EFNA5: variants seen among roughly 807,000 people sequenced by gnomAD.
EFNA5 encodes the protein ephrin-A5.
In EFNA5, 5 loss-of-function variants were observed where a neutral mutation model predicts 22.9. The observed-to-expected ratio is 0.22, with a 90% CI of 0.11 to 0.46. The LOEUF (loss-of-function observed/expected upper bound fraction) is 0.46. EFNA5 is among the 20% of genes least tolerant of loss of function. The pLI, the probability that EFNA5 is intolerant of heterozygous loss-of-function variation, is 0.99. For missense variants in EFNA5, 237 were observed against 293.3 expected, an observed-to-expected ratio of 0.81 and a Z score of 1.40; for synonymous variants, 113 against 112.2, an observed-to-expected ratio of 1.01 and a Z score of -0.04.
At chr5:107,580,274 C>A (rs1749015185) in intron 1 of EFNA5, among the ~76,000 whole-genome samples, 1 of 152,146 alleles carries the variant, frequency 6.6e-6, no homozygotes, top group Admixed American at 6.5e-5. Context: ...GAATTCTACA[C>A]CTACATTTAA....
chr5:107,502,460 G>C (rs1486935267), intron 1 of EFNA5, among the ~76,000 whole-genome samples: 1 of 152,192 alleles, frequency 6.6e-6, no homozygotes, highest in Non-Finnish European at 1.5e-5. Flanking sequence ...TTAGGAAGCA[G>C]TGCCTTAAAG....
At chr5:107,641,100 G>A (rs1338515415) in intron 1 of EFNA5, among the ~76,000 whole-genome samples, 1 of 152,136 alleles carries the variant, frequency 6.6e-6, no homozygotes, top group Non-Finnish European at 1.5e-5. Context: ...GCTCACACCT[G>A]TAATCCCAGC....
At position 107,383,593 on chromosome 5, in the gene EFNA5, T is replaced by A. The variant is rs79037710; in HGVS notation, c.566-2217A>T. ...TATCACATACTTAAACACCTGAAAT[T>A]GCATCAGCTATTGGATTCCTCTCCA... On this transcript the variant is annotated intron_variant, in intron 4 of 4. Transcript: ENST00000333274. 9.7e-3 allele frequency among the ~76,000 whole-genome samples: 1,474 copies of A among 152,298 alleles called. 20 individuals carry two copies. The highest frequency in any genetic ancestry group is 0.029 in the African/African-American group (1,192 of 41,560).
intron 1 of EFNA5, among the ~76,000 whole-genome samples, chr5:107,549,296 G>A (rs1748234403): frequency 6.6e-6 from 1 of 152,140 alleles, no homozygotes; most frequent in Non-Finnish European, 1.5e-5. Context: ...TCACCAATTT[G>A]TCTGGTAATT....
At chr5:107,625,775 T>C (rs931933645) in intron 1 of EFNA5, among the ~76,000 whole-genome samples, 2 of 152,220 alleles carry the variant, frequency 1.3e-5, no homozygotes, top group South Asian at 2.1e-4. Flanking sequence ...TTCATCTTTC[T>C]CCTCAGCTAC....
chr5:107,606,101 T>G (rs915342043), intron 1 of EFNA5, among the ~76,000 whole-genome samples: 1 of 152,196 alleles, frequency 6.6e-6, no homozygotes, highest in African/African-American at 2.4e-5. Flanking sequence ...CTCTGCCCAA[T>G]CATCCAGCTA....
chr5:107,638,301 G>C (rs946160421), intron 1 of EFNA5, among the ~76,000 whole-genome samples: 9 of 151,972 alleles, frequency 5.9e-5, no homozygotes, highest in African/African-American at 2.2e-4. Flanking sequence ...TAAAAAAGTA[G>C]AACTCATAGA....
chr5:107,660,261 CATATAT>C (rs56838945), intron 1 of EFNA5, among the ~76,000 whole-genome samples: 1,154 of 52,128 alleles, frequency 0.022, 16 homozygotes, highest in Admixed American at 0.029. Context: ...ATGGCAAAAA[CATATAT>C]ATATATATAT....
intron 1 of EFNA5, among the ~76,000 whole-genome samples, chr5:107,552,193 T>G (rs1748314530): frequency 6.6e-6 from 1 of 152,180 alleles, no homozygotes; most frequent in Non-Finnish European, 1.5e-5. Context: ...GAACTTCTTC[T>G]GGAAAAAGCG....
At chr5:107,450,126 G>A (rs1298048413) in intron 1 of EFNA5, among the ~76,000 whole-genome samples, 1 of 152,194 alleles carries the variant, frequency 6.6e-6, no homozygotes, top group Non-Finnish European at 1.5e-5. Flanking sequence ...ATATTTATAT[G>A]CCTCGACTTC....
intron 1 of EFNA5, among the ~76,000 whole-genome samples, chr5:107,570,615 C>A (rs1427534184): frequency 2.2e-5 from 3 of 139,204 alleles, no homozygotes; most frequent in African/African-American, 8.2e-5. Context: ...AAGACAGCTC[C>A]TAGAGATGAC....
intron 1 of EFNA5, among the ~76,000 whole-genome samples, chr5:107,580,770 A>AACCACAAAC (rs1749055042): frequency 6.6e-6 from 1 of 151,854 alleles, no homozygotes. Flanking sequence ...AAAGAAAAAC[A>AACCACAAAC]ACCACAAACA....
intron 1 of EFNA5, among the ~76,000 whole-genome samples, chr5:107,496,166 A>C (rs1746976283): frequency 4.4e-5 from 3 of 68,516 alleles, no homozygotes; most frequent in African/African-American, 1.9e-4. Context: ...GTCTCTGCTA[A>C]AAAAAAAAAA....
chr5:107,581,371 C>G (rs1457429680), intron 1 of EFNA5, among the ~76,000 whole-genome samples: 1 of 152,090 alleles, frequency 6.6e-6, no homozygotes, highest in Non-Finnish European at 1.5e-5. Context: ...TCCTTTACCC[C>G]GGAGACATGA....
At chr5:107,570,873 G>C (rs1580536122) in intron 1 of EFNA5, among the ~76,000 whole-genome samples, 2 of 152,168 alleles carry the variant, frequency 1.3e-5, no homozygotes, top group Admixed American at 1.3e-4. Context: ...CAAGGGACTT[G>C]AAAACAAACC....
intron 1 of EFNA5, among the ~76,000 whole-genome samples, chr5:107,572,802 T>C (rs1366175166): frequency 6.6e-6 from 1 of 152,226 alleles, no homozygotes; most frequent in East Asian, 1.9e-4. Context: ...CCTAATTCTT[T>C]GTCATTTTTG....
At chr5:107,660,848 T>C (rs939885141) in intron 1 of EFNA5, among the ~76,000 whole-genome samples, 13 of 152,142 alleles carry the variant, frequency 8.5e-5, no homozygotes, top group Non-Finnish European at 1.3e-4. Flanking sequence ...CACAAAACCC[T>C]GTCAGAAGCA....
At chr5:107,415,516 G>C (rs1188947386) in intron 2 of EFNA5, among the ~76,000 whole-genome samples, 1 of 152,118 alleles carries the variant, frequency 6.6e-6, no homozygotes, top group Non-Finnish European at 1.5e-5. Flanking sequence ...AGTAAGAGAA[G>C]AAATCCACGT....
intron 1 of EFNA5, among the ~76,000 whole-genome samples, chr5:107,645,077 GTGGTTTGC>G (rs1750605718): frequency 6.6e-6 from 1 of 152,136 alleles, no homozygotes; most frequent in East Asian, 1.9e-4. Context: ...ATGTGCCATG[GTGGTTTGC>G]TGCACCTATC....
Sources: allele counts gnomAD v4.1 joint callset (sites outside exome capture counted in the v4.1 genomes callset), GRCh38; gene constraint gnomAD v4.1.1; transcripts MANE v1.5; gene names NCBI Gene and HGNC (gene_info 2026-07-23, HGNC 2026-07-21).